Variants in IMMP2L observed in about 807,000 individuals in gnomAD.
IMMP2L encodes mitochondrial inner membrane protease subunit 2.
In IMMP2L, 18 loss-of-function variants were observed where a neutral mutation model predicts 19.3. That is an observed-to-expected ratio of 0.93 (90% CI 0.64 to 1.38). The LOEUF is 1.38. Among genes scored for constraint, IMMP2L ranks in the 40% most tolerant of loss-of-function variants. The probability of loss-of-function intolerance (pLI) is 0.00; values close to 1 mark genes in which losing one functional copy is unlikely to be tolerated. For missense variants in IMMP2L, 233 were observed against 218.2 expected, an observed-to-expected ratio of 1.07 and a Z score of -0.43; for synonymous variants, 76 against 73.0, an observed-to-expected ratio of 1.04 and a Z score of -0.21.
chr7:111,471,730 C>A (rs1297141411), intron 3 of IMMP2L, among the ~76,000 whole-genome samples: 1 of 151,888 alleles, frequency 6.6e-6, no homozygotes, highest in Non-Finnish European at 1.5e-5. Flanking sequence ...TTCTTTTGAA[C>A]GTCCCTGAAC....
chr7:111,415,913 A>C (rs981461566), intron 3 of IMMP2L, among the ~76,000 whole-genome samples: 1 of 151,842 alleles, frequency 6.6e-6, no homozygotes, highest in Non-Finnish European at 1.5e-5. Flanking sequence ...AACAGAAAAA[A>C]AATTTTGAAA....
At chr7:110,975,597 A>AT (rs1412073485) in intron 3 of IMMP2L, among the ~76,000 whole-genome samples, 1 of 152,134 alleles carries the variant, frequency 6.6e-6, no homozygotes, top group Non-Finnish European at 1.5e-5. Context: ...CAGAAAGTTA[A>AT]TTTTCAGGAC....
At chr7:111,362,471 C>T (rs564602307) in intron 3 of IMMP2L, among the ~76,000 whole-genome samples, 25 of 152,060 alleles carry the variant, frequency 1.6e-4, no homozygotes, top group Admixed American at 2.0e-4. Flanking sequence ...GTTTCACATA[C>T]ATTTTTTTTC....
At chr7:110,763,020 C>G (rs1401048937) in intron 5 of IMMP2L, among the ~76,000 whole-genome samples, 3 of 152,064 alleles carry the variant, frequency 2.0e-5, no homozygotes, top group Non-Finnish European at 1.5e-5. Context: ...TCCATGGTAA[C>G]AGATTCTCAA....
At position 111,261,981 on chromosome 7, in the gene IMMP2L, T is replaced by C. The variant is rs764668; in HGVS notation, c.239+225257A>G. Among the ~76,000 whole-genome samples, 17 of 152,226 alleles carry C rather than the reference T, an allele frequency of 1.1e-4. 1 individual carries two copies. In the South Asian group the frequency reaches 3.3e-3, roughly 30 times the overall value. On this transcript the variant is annotated intron_variant, in intron 3 of 5. Transcript: ENST00000405709. Reference sequence around the variant, plus strand: ...TAAAAAGATCATGTTGGAAACAATATACCAGTAGTCTGTTAGGAGATGACA... The same window carrying C: ...TAAAAAGATCATGTTGGAAACAATACACCAGTAGTCTGTTAGGAGATGACA...
At chr7:110,979,816 A>G (rs1255894034) in intron 3 of IMMP2L, among the ~76,000 whole-genome samples, 1 of 152,332 alleles carries the variant, frequency 6.6e-6, no homozygotes, top group East Asian at 1.9e-4. Context: ...TTAAGGGTAC[A>G]GAGTTTCTTT....
chr7:110,693,506 AC>A (rs1793658022), intron 5 of IMMP2L, among the ~76,000 whole-genome samples: 1 of 152,130 alleles, frequency 6.6e-6, no homozygotes, highest in African/African-American at 2.4e-5. Flanking sequence ...AGGCTATGAA[AC>A]TATGGGAACA....
chr7:111,124,792 G>T lies in IMMP2L; in HGVS notation c.240-161227C>A, dbSNP rs1030245462. On this transcript the variant is annotated intron_variant, in intron 3 of 5. Transcript: ENST00000405709. ...CTTACAGAAACCAACCTTTGCATTA[G>T]GTGAGCTTTATCCTCCTCTGATAAA... is the stretch of plus-strand genomic sequence containing the variant. 6.2e-7 allele frequency: 1 copy of T among 1,613,334 alleles called. No individual in the cohort carries two copies. The highest frequency in any genetic ancestry group is 1.3e-5 in the African/African-American group (1 of 74,864).
chr7:111,480,833 T>C lies in IMMP2L; in HGVS notation c.239+6405A>G, dbSNP rs543683559. Among the ~76,000 whole-genome samples, 33 of 152,146 alleles carry C rather than the reference T, an allele frequency of 2.2e-4. 1 individual carries two copies. Among genetic ancestry groups the C allele is most frequent in the Non-Finnish European group, 4.3e-4 (29 of 68,022 alleles). The stretch of plus-strand genomic sequence containing the variant: ...AATTGATAACTGGCTTTTAATACAA[T>C]TATGGGTCATTATTCAGTATTATTA... On this transcript the variant is annotated intron_variant, in intron 3 of 5. Transcript: ENST00000405709.
At chr7:111,413,093 G>A (rs1318122050) in intron 3 of IMMP2L, among the ~76,000 whole-genome samples, 1 of 48,830 alleles carries the variant, frequency 2.0e-5, no homozygotes, top group African/African-American at 1.1e-4. Flanking sequence ...CAAAAACAGA[G>A]GACTATTGTG....
chr7:111,284,909 C>T (rs1820323092), intron 3 of IMMP2L, among the ~76,000 whole-genome samples: 1 of 152,090 alleles, frequency 6.6e-6, no homozygotes, highest in Admixed American at 6.5e-5. Flanking sequence ...GATCTGGCCA[C>T]CTAGGAGCTC....
chr7:111,243,167 T>A (rs1301528205), intron 3 of IMMP2L, among the ~76,000 whole-genome samples: 1 of 152,202 alleles, frequency 6.6e-6, no homozygotes, highest in African/African-American at 2.4e-5. Flanking sequence ...TGGCATGACG[T>A]TGCCTTGCTC....
chr7:110,895,848 G>C (rs975776193), intron 4 of IMMP2L, among the ~76,000 whole-genome samples: 1 of 152,092 alleles, frequency 6.6e-6, no homozygotes, highest in Non-Finnish European at 1.5e-5. Context: ...GAAGGCAGTT[G>C]ATTTTTCTCT....
At chr7:110,864,781 G>C (rs942996218) in intron 5 of IMMP2L, among the ~76,000 whole-genome samples, 3 of 151,958 alleles carry the variant, frequency 2.0e-5, no homozygotes, top group Non-Finnish European at 2.9e-5. Context: ...AATTAAAATT[G>C]TCTACTTATG....
At chr7:111,090,529 G>A (rs1002737322) in intron 3 of IMMP2L, among the ~76,000 whole-genome samples, 1 of 150,472 alleles carries the variant, frequency 6.6e-6, no homozygotes, top group African/African-American at 2.5e-5. Flanking sequence ...CCCCTCAAAT[G>A]CCAATGTTGT....
chr7:110,776,147 A>G (rs1799371290), intron 5 of IMMP2L, among the ~76,000 whole-genome samples: 1 of 152,040 alleles, frequency 6.6e-6, no homozygotes, highest in Non-Finnish European at 1.5e-5. Flanking sequence ...ATGTTTAATG[A>G]ACACCAAAGT....
intron 5 of IMMP2L, among the ~76,000 whole-genome samples, chr7:110,695,176 G>T (rs1450642880): frequency 6.6e-6 from 1 of 152,088 alleles, no homozygotes; most frequent in African/African-American, 2.4e-5. Context: ...TGATGACACA[G>T]AATTGTTCAC....
At chr7:111,290,684 G>A (rs1023335295) in intron 3 of IMMP2L, among the ~76,000 whole-genome samples, 1 of 151,866 alleles carries the variant, frequency 6.6e-6, no homozygotes, top group Non-Finnish European at 1.5e-5. Context: ...GATATGTGAG[G>A]CCTTTCTGAT....
At chr7:110,812,405 T>TA (rs1417251641) in intron 5 of IMMP2L, among the ~76,000 whole-genome samples, 1 of 151,946 alleles carries the variant, frequency 6.6e-6, no homozygotes, top group African/African-American at 2.4e-5. Flanking sequence ...GAGCCAGTGA[T>TA]AAAGGGGGAG....
Sources: allele counts gnomAD v4.1 joint callset (sites outside exome capture counted in the v4.1 genomes callset), GRCh38; gene constraint gnomAD v4.1.1; transcripts MANE v1.5; gene names NCBI Gene and HGNC (gene_info 2026-07-23, HGNC 2026-07-21).